The following SF1 variants were observed in gnomAD, a reference collection of about 807,000 sequenced individuals.
The protein encoded by SF1 is splicing factor 1.
SF1 carries 7 observed loss-of-function variants against 62.5 expected under a neutral mutation model. That is an observed-to-expected ratio of 0.11 (90% CI 0.06 to 0.21). The LOEUF is 0.21. Ranked by LOEUF, SF1 falls within the 10% of genes least tolerant of loss-of-function variation. The pLI, the probability that SF1 is intolerant of heterozygous loss-of-function variation, is 1.00. For synonymous variants in SF1, 394 were observed against 323.6 expected, an observed-to-expected ratio of 1.22 and a Z score of -2.33; for missense variants, 578 against 884.0, an observed-to-expected ratio of 0.65 and a Z score of 4.39.
chr11:64,767,027 G>GGGA lies in SF1; in HGVS notation c.1452_1454dup (p.Pro485dup). 2 of 1,551,328 alleles carry GGGA rather than the reference G, an allele frequency of 1.3e-6. No homozygotes were observed. Among genetic ancestry groups the GGGA allele is most frequent in the Non-Finnish European group, 1.7e-6 (2 of 1,147,184 alleles). On this transcript the variant is annotated inframe_insertion, in exon 12 of 13. Transcript: ENST00000377390. ...AGGGAGGGGGTGGGGGCTGCCCACT[G>GGGA]GGAGGCGGCGGCGGCGGCGGCATCA... is the stretch of plus-strand genomic sequence containing the variant.
Position 64,766,695 on chromosome 11 carries a change from C to A in SF1, c.1582+205G>T, listed in dbSNP as rs1450489286. ...CCCCTCCAGGCCCCCACGAACCTCT[C>A]CCCAGACACAACCACACCAAACATC... On this transcript the variant is annotated intron_variant, in intron 12 of 12. Coordinates refer to ENST00000377390, the MANE Select transcript of SF1 (RefSeq NM_004630.4). 1.6e-4 allele frequency: 77 copies of A among 473,284 alleles called. 1 individual carries two copies. Among genetic ancestry groups the A allele is most frequent in the Non-Finnish European group, 3.7e-6 (1 of 270,432 alleles). 29.3% of individuals were successfully genotyped at this position (473,284 alleles called of 1,614,324 possible).
intron 9 of SF1, 98 bp from the exon 10 acceptor site, chr11:64,767,942 G>A: frequency 6.6e-7 from 1 of 1,510,656 alleles, no homozygotes; most frequent in South Asian, 1.2e-5. Context: ...CAAGAACAAG[G>A]TCTTCCCGAA....
chr11:64,777,836 C>A, intron 1 of SF1: 2 of 959,348 alleles, frequency 2.1e-6, no homozygotes, highest in East Asian at 1.2e-4. Context: ...TAGAACCAGG[C>A]CGCGCGCGCC....
At chr11:64,766,862 T>TCCCCCCCC in intron 12 of SF1, 38 bp downstream of exon 12, 1 of 248,362 alleles carries the variant, frequency 4.0e-6, no homozygotes, top group Non-Finnish European at 7.7e-6. Flanking sequence ...CCCACCCCCA[T>TCCCCCCCC]CCCACCCACC....
At chr11:64,767,108 C>A (rs895787125) in intron 11 of SF1, 29 bp from the exon 12 acceptor site, 5 of 1,609,070 alleles carry the variant, frequency 3.1e-6, no homozygotes, top group Admixed American at 3.3e-5. Flanking sequence ...AAAGATGAGG[C>A]CTCAGGGAAA....
rs2135867401 is a variant in SF1 at position 64,765,531 on chromosome 11, T to A, written c.*287A>T. Reference sequence around the variant, plus strand: ...GCGGGGAGGGATCCTGGCGGCCCGGTTTGGGGAGAGGCAAAGGGAGTTGGG... The same window carrying A: ...GCGGGGAGGGATCCTGGCGGCCCGGATTGGGGAGAGGCAAAGGGAGTTGGG... On this transcript the variant is annotated 3_prime_UTR_variant, in exon 13 of 13. Coordinates refer to ENST00000377390, the MANE Select transcript of SF1 (RefSeq NM_004630.4). 6.2e-7 allele frequency: 1 copy of A among 1,602,726 alleles called. No individual in the cohort carries two copies. The highest frequency in any genetic ancestry group is 2.3e-5 in the East Asian group (1 of 44,312).
intron 2 of SF1, among the ~76,000 whole-genome samples, chr11:64,773,921 TTTC>T (rs1349719078): frequency 6.6e-6 from 1 of 152,226 alleles, no homozygotes; most frequent in Non-Finnish European, 1.5e-5. Flanking sequence ...AATTGAGTTT[TTTC>T]TTCATTAAAT....
At position 64,768,171 on chromosome 11, in the gene SF1, G is replaced by A; in HGVS notation, c.1003C>T (p.Pro335Ser). The A allele has an allele frequency of 6.2e-7, 1 of 1,614,004 alleles. No individual in the cohort carries two copies. ...GCGCTGGCCAGGGGTGTGGTGGCAGGCCCAGAGGTGGAGCCCACAGATGCT... is the reference window on the plus strand; with the variant it reads ...GCGCTGGCCAGGGGTGTGGTGGCAGACCCAGAGGTGGAGCCCACAGATGCT... ...VPASVGSTSG[P>S]ATTPLASAPR... The change falls in exon 9 of 13, where the codon CCT becomes TCT. Residue 335 changes from proline to serine, a missense_variant. Physicochemically the swap from Pro to Ser is moderately conservative, Grantham distance 74 (BLOSUM62 -1). Transcript: ENST00000377390.
Position 64,766,134 on chromosome 11 carries a change from C to T in SF1, c.1604G>A (p.Ser535Asn), listed in dbSNP as rs771239997. The change falls in exon 13 of 13, where the codon AGC (serine) becomes AAC (asparagine). Residue 535 changes from serine (S) to asparagine (N), a missense_variant. Around this residue, in one of 7 missense-constraint regions of SF1, gnomAD observed 410 missense variants for 452.4 expected, o/e 0.91. Coordinates refer to ENST00000377390, the MANE Select transcript of SF1 (RefSeq NM_004630.4). ...WQQNTTTTTT[S>N]AGTGSIPPWQ... is the part of the protein sequence containing the mutation. ...TGGCGGGATGGACCCTGTGCCAGCG[C>T]TCGTGGTGGTAGTCGTCGTATCTGG... 6.2e-7 allele frequency: 1 copy of T among 1,607,732 alleles called. No individual in the cohort carries two copies. The highest frequency in any genetic ancestry group is 8.5e-7 in the Non-Finnish European group (1 of 1,179,728).
chr11:64,770,541 CGT>C, intron 3 of SF1, 133 bp from the exon 4 acceptor site: 1 of 943,528 alleles, frequency 1.1e-6, no homozygotes, highest in Non-Finnish European at 1.6e-6. Flanking sequence ...CCGACCATAA[CGT>C]GTGCTACTCA....
chr11:64,776,379 T>A (rs755352025), intron 2 of SF1, 119 bp downstream of exon 2: 1 of 1,118,192 alleles, frequency 8.9e-7, no homozygotes, highest in South Asian at 1.3e-5. Context: ...ACCAAAGTCG[T>A]GAAAGTATCT....
At chr11:64,778,110 A>G (rs1939677923) in intron 1 of SF1, 1 of 833,614 alleles carries the variant, frequency 1.2e-6, no homozygotes, top group Non-Finnish European at 1.5e-6. Flanking sequence ...GGCGGGTACG[A>G]GGCGCCGGGG....
Position 64,765,945 on chromosome 11 carries a change from GCATA to G in SF1, c.1789_1792del (p.Tyr597ProfsTer18). On this transcript the variant is annotated frameshift_variant, in exon 13 of 13. Transcript: ENST00000377390. LOFTEE classifies it high-confidence loss of function. ...GGGAGGCGGAGGAGGAGGGGGCGGG[GCATA>G]CATCATGCCGGCGGAACCAGGCGGT... 6.3e-7 allele frequency: 1 copy of G among 1,574,890 alleles called. No individual in the cohort carries two copies. The highest frequency in any genetic ancestry group is 8.6e-7 in the Non-Finnish European group (1 of 1,160,726).
chr11:64,765,737 G>A lies in SF1; in HGVS notation c.*81C>T. 6.8e-7 allele frequency: 1 copy of A among 1,468,736 alleles called. No individual in the cohort carries two copies. Among genetic ancestry groups the A allele is most frequent in the Non-Finnish European group, 9.0e-7 (1 of 1,111,146 alleles). The allele number at this position is 1,468,736 out of a possible 1,614,324, so 91.0% of individuals were successfully genotyped here. A position where few individuals can be genotyped will look rare whatever the true frequency, so the allele number is the denominator to read the frequency against. ...ATCACATGCGTGCGTCCCAATGTCTGGCTCCATATGGTGAGGTTCGGCGTG... is the reference window on the plus strand; with the variant it reads ...ATCACATGCGTGCGTCCCAATGTCTAGCTCCATATGGTGAGGTTCGGCGTG... On this transcript the variant is annotated 3_prime_UTR_variant, in exon 13 of 13. Coordinates refer to ENST00000377390, the MANE Select transcript of SF1 (RefSeq NM_004630.4).
Position 64,778,431 on chromosome 11 carries a change from C to A in SF1, c.-39G>T. ...ACAGGCACCGGCACCTGCTTTTCCT[C>A]TGCGGCGGCTTCTCCTTCGCAAGCC... is the stretch of plus-strand genomic sequence containing the variant. On this transcript the variant is annotated 5_prime_UTR_variant, in exon 1 of 13. Coordinates refer to ENST00000377390, the MANE Select transcript of SF1 (RefSeq NM_004630.4). 1 of 1,221,868 alleles carries A rather than the reference C, an allele frequency of 8.2e-7. No homozygotes were observed. The highest frequency in any genetic ancestry group is 1.0e-6 in the Non-Finnish European group (1 of 980,434). 75.7% of individuals were successfully genotyped at this position (1,221,868 alleles called of 1,614,324 possible). A position where few individuals can be genotyped will look rare whatever the true frequency, so the allele number is the denominator to read the frequency against.
chr11:64,777,903 A>AGCCGCCGTCGCC (rs1555149446), intron 1 of SF1: 15 of 946,492 alleles, frequency 1.6e-5, no homozygotes, highest in Non-Finnish European at 1.6e-5. Flanking sequence ...TGCCGCGTGC[A>AGCCGCCGTCGCC]GCCGCCGTCG....
chr11:64,769,255 G>T lies in SF1; in HGVS notation c.747C>A (p.Arg249=). ...LRKMQLRELA[R]LNGTLREDDN... ...CGTCTTCCCGAAGGGTCCCATTTAA[G>T]CGAGCCAACTCCCGAAGCTGCATCT... The change falls in exon 7 of 13, where the codon CGC becomes CGA. Residue 249 remains arginine (R), a synonymous_variant. Transcript: ENST00000377390. The T allele has an allele frequency of 6.2e-7, 1 of 1,614,160 alleles. No individual in the cohort carries two copies. Among genetic ancestry groups the T allele is most frequent in the Non-Finnish European group, 8.5e-7 (1 of 1,180,032 alleles).
rs745718344 is a variant in SF1, at chr11:64,767,580, G to A, written c.1333C>T (p.Pro445Ser). The A allele has an allele frequency of 1.9e-6, 3 of 1,558,300 alleles. No homozygotes were observed. Among genetic ancestry groups the A allele is most frequent in the African/African-American group, 2.8e-5 (2 of 72,226 alleles). ...TCTGACACTTACTTACCCATTGGAGGAGGGCCATGGTGCCCAGGAGGGTGG... is the reference window on the plus strand; with the variant it reads ...TCTGACACTTACTTACCCATTGGAGAAGGGCCATGGTGCCCAGGAGGGTGG... ...GPHPPGHHGP[P>S]PMDQYLGSTP... Residue 445 changes from proline (P) to serine (S), a missense_variant, in exon 10 of 13, where the codon CCT becomes TCT. Pro to Ser is a moderately conservative substitution (Grantham distance 74). Coordinates refer to ENST00000377390, the MANE Select transcript of SF1 (RefSeq NM_004630.4).
intron 4 of SF1, 39 bp from the exon 5 acceptor site, chr11:64,770,092 G>C: frequency 6.3e-7 from 1 of 1,583,992 alleles, no homozygotes; most frequent in Non-Finnish European, 8.7e-7. Context: ...CATTTCTGGA[G>C]AATGACACAG....
Sources: allele counts gnomAD v4.1 joint callset (sites outside exome capture counted in the v4.1 genomes callset), GRCh38; gene constraint gnomAD v4.1.1; regional missense constraint gnomAD v4.1.1; transcripts MANE v1.5; gene names NCBI Gene and HGNC (gene_info 2026-07-23, HGNC 2026-07-21).